RASSF4: variants seen among roughly 807,000 people sequenced by gnomAD.
RASSF4 encodes the protein ras association domain-containing protein 4.
In RASSF4, 38 loss-of-function variants were observed where a neutral mutation model predicts 41.1. The observed-to-expected ratio is 0.92, with a 90% confidence interval of 0.71 to 1.21. The LOEUF (loss-of-function observed/expected upper bound fraction) is 1.21. Among genes scored for constraint, RASSF4 ranks in the 50% most tolerant of loss-of-function variants. RASSF4 has a pLI of 0.00. For missense variants in RASSF4, 414 were observed against 419.4 expected (o/e 0.99, Z 0.11); for synonymous variants, 179 against 163.4 (o/e 1.10, Z -0.73).
Position 44,984,411 on chromosome 10 carries a change from C to A in RASSF4, c.373+298C>A, listed in dbSNP as rs1305934742. 3 of 503,864 alleles carry A rather than the reference C, an allele frequency of 6.0e-6. No homozygotes were observed. The East Asian group carries it at 9.9e-5, about 17-fold the overall frequency. The allele number at this position is 503,864 out of a possible 1,614,324, so 31.2% of individuals were successfully genotyped here. On this transcript the variant is annotated intron_variant, in intron 5 of 10. Coordinates refer to ENST00000340258, the MANE Select transcript of RASSF4 (RefSeq NM_032023.4). The stretch of plus-strand genomic sequence containing the variant: ...GAGCATCCACAGAAGGCACTGCGCT[C>A]TCCTGGCCCCTCACCTCCCTCTGCG...
chr10:44,977,140 T>G, intron 3 of RASSF4: 2 of 418,736 alleles, frequency 4.8e-6, no homozygotes. Flanking sequence ...GGAACACAGA[T>G]GTTAAGTAAG....
chr10:44,965,443 T>C (rs917887075), intron 1 of RASSF4, among the ~76,000 whole-genome samples: 1 of 152,248 alleles, frequency 6.6e-6, no homozygotes, highest in Non-Finnish European at 1.5e-5. Context: ...TAGCCACTTC[T>C]TTCAGGATGG....
intron 1 of RASSF4, among the ~76,000 whole-genome samples, chr10:44,961,170 C>G (rs1000182403): frequency 9.2e-5 from 14 of 152,168 alleles, no homozygotes; most frequent in Non-Finnish European, 1.9e-4. Flanking sequence ...TTAGTTCTAG[C>G]CATAATTCTC....
At chr10:44,976,837 A>C (rs1235327893) in intron 3 of RASSF4, 1 of 152,454 alleles carries the variant, frequency 6.6e-6, no homozygotes, top group African/African-American at 2.4e-5. Flanking sequence ...GCCAGGTGAC[A>C]GTCCCCCGGA....
chr10:44,978,280 C>T (rs1841541079), intron 3 of RASSF4: 2 of 490,900 alleles, frequency 4.1e-6, no homozygotes, highest in South Asian at 2.8e-5. Flanking sequence ...AGAATGTGCA[C>T]AGATAAGAGA....
At chr10:44,991,879 C>T (rs752662644) in intron 9 of RASSF4, 26 bp from the exon 10 acceptor site, 13 of 1,504,022 alleles carry the variant, frequency 8.6e-6, no homozygotes, top group South Asian at 4.6e-5. Context: ...ATTTAAAGCA[C>T]ATTAAAATGT....
chr10:44,991,537 C>T (rs548457448), intron 9 of RASSF4, among the ~76,000 whole-genome samples: 40 of 152,312 alleles, frequency 2.6e-4, no homozygotes, highest in African/African-American at 9.4e-4. Flanking sequence ...AAGTAGGAGG[C>T]CTAGTGACCC....
intron 4 of RASSF4, chr10:44,983,743 C>T: frequency 2.2e-6 from 1 of 452,338 alleles, no homozygotes; most frequent in Non-Finnish European, 4.0e-6. Flanking sequence ...CAGGCCCTGA[C>T]TATGTTCATG....
Position 44,970,554 on chromosome 10 carries a change from T to C in RASSF4, c.62+290T>C, listed in dbSNP as rs1841109792. On this transcript the variant is annotated intron_variant, in intron 2 of 10. Coordinates refer to ENST00000340258, the MANE Select transcript of RASSF4 (RefSeq NM_032023.4). The stretch of plus-strand genomic sequence containing the variant: ...CATTATAACTTTTACATTGATTGCA[T>C]GTTGACAAATAGTAATTTAGATATA... The C allele has an allele frequency of 8.1e-6, 3 of 371,840 alleles. No homozygotes were observed. The South Asian group carries it at 2.5e-4, about 30-fold the overall frequency. The allele number at this position is 371,840 out of a possible 1,614,324, so 23.0% of individuals were successfully genotyped here.
At chr10:44,974,746 G>GCCAGCGTCACGCCCTGGGA (rs1841329524) in intron 3 of RASSF4, among the ~76,000 whole-genome samples, 1 of 152,194 alleles carries the variant, frequency 6.6e-6, no homozygotes, top group Non-Finnish European at 1.5e-5. Context: ...ACGCTCTGGG[G>GCCAGCGTCACGCCCTGGGA]CCAGCGTCAC....
intron 10 of RASSF4, among the ~76,000 whole-genome samples, chr10:44,992,281 C>A (rs112307684): frequency 6.6e-6 from 1 of 152,242 alleles, no homozygotes; most frequent in East Asian, 1.9e-4. Flanking sequence ...TGCAGAACAC[C>A]TGGCAGGAAA....
At chr10:44,979,754 G>T (rs1841625428) in intron 3 of RASSF4, among the ~76,000 whole-genome samples, 1 of 152,134 alleles carries the variant, frequency 6.6e-6, no homozygotes, top group South Asian at 2.1e-4. Context: ...AGTGGACCTT[G>T]GGGTGGATGC....
At chr10:44,963,059 C>T (rs1840766574) in intron 1 of RASSF4, among the ~76,000 whole-genome samples, 1 of 152,118 alleles carries the variant, frequency 6.6e-6, no homozygotes, top group East Asian at 1.9e-4. Flanking sequence ...GTGAGCTGGG[C>T]CTGTGTGGTC....
intron 3 of RASSF4, 42 bp downstream of exon 3, chr10:44,971,890 G>C (rs374143687): frequency 2.3e-5 from 33 of 1,428,102 alleles, no homozygotes; most frequent in Non-Finnish European, 2.8e-5. Context: ...CATGTACCCT[G>C]GGAGGCCCTG....
intron 2 of RASSF4, 153 bp from the exon 3 acceptor site, chr10:44,971,620 G>A (rs1312369740): frequency 2.7e-6 from 2 of 740,106 alleles, no homozygotes; most frequent in South Asian, 1.4e-5. Context: ...GCATTGCGAT[G>A]GCAGTCTGGT....
intron 9 of RASSF4, 50 bp downstream of exon 9, chr10:44,991,119 TG>T: frequency 6.4e-7 from 1 of 1,556,392 alleles, no homozygotes; most frequent in Non-Finnish European, 8.7e-7. Flanking sequence ...GAGGGGTTCT[TG>T]GGTGACGGGG....
At chr10:44,979,684 G>A (rs987803320) in intron 3 of RASSF4, among the ~76,000 whole-genome samples, 4 of 152,122 alleles carry the variant, frequency 2.6e-5, no homozygotes, top group Non-Finnish European at 5.9e-5. Flanking sequence ...AGGGCGCGCC[G>A]GACAGACATG....
intron 3 of RASSF4, among the ~76,000 whole-genome samples, chr10:44,978,972 A>T (rs1841583970): frequency 6.6e-6 from 1 of 152,044 alleles, no homozygotes; most frequent in Non-Finnish European, 1.5e-5. Flanking sequence ...TGCCTGTAGG[A>T]GGCTGGGGAA....
Position 44,989,606 on chromosome 10 carries a change from GA to G in RASSF4, c.634-63del, listed in dbSNP as rs1162851254. ...ACTGGGGGTGTAGTTACTGTCAGGG[GA>G]CCCTCTCAGTTCTCTCCCATCTCCA... is the stretch of plus-strand genomic sequence containing the variant. On this transcript the variant is annotated intron_variant, in intron 7 of 10. Coordinates refer to ENST00000340258, the MANE Select transcript of RASSF4 (RefSeq NM_032023.4). 2.4e-5 allele frequency: 35 copies of G among 1,449,550 alleles called. 1 individual carries two copies. The highest frequency in any genetic ancestry group is 8.4e-5 in the Admixed American group (5 of 59,826). The allele number at this position is 1,449,550 out of a possible 1,614,324, so 89.8% of individuals were successfully genotyped here. A position where few individuals can be genotyped will look rare whatever the true frequency, so the allele number is the denominator to read the frequency against.
Sources: allele counts gnomAD v4.1 joint callset (sites outside exome capture counted in the v4.1 genomes callset), GRCh38; gene constraint gnomAD v4.1.1; transcripts MANE v1.5; gene names NCBI Gene and HGNC (gene_info 2026-07-23, HGNC 2026-07-21).